ATRN: variants seen among roughly 807,000 people sequenced by gnomAD.
ATRN encodes attractin-2.
In ATRN, 54 loss-of-function variants were observed where a neutral mutation model predicts 178.7. That is an observed-to-expected ratio of 0.30 (90% CI 0.24 to 0.38). The LOEUF is 0.38. ATRN is among the 10% of genes least tolerant of loss of function. The pLI is 1.00. For synonymous variants in ATRN, 636 were observed against 663.0 expected (o/e 0.96, Z 0.63); for missense variants, 1,443 against 1,815.1 (o/e 0.79, Z 3.73).
intron 24 of ATRN, among the ~76,000 whole-genome samples, chr20:3,605,626 G>A (rs2086666674): frequency 6.6e-6 from 1 of 152,180 alleles, no homozygotes; most frequent in Non-Finnish European, 1.5e-5. Flanking sequence ...GGAGCTGGAG[G>A]CCATTATCCT....
At chr20:3,494,512 G>T (rs778497589) in intron 1 of ATRN, among the ~76,000 whole-genome samples, 1 of 152,168 alleles carries the variant, frequency 6.6e-6, no homozygotes, top group Non-Finnish European at 1.5e-5. Context: ...CTAGGAGGAG[G>T]AGAATTTGAA....
At chr20:3,535,588 T>TACACACACACACACACACAC (rs11468707) in intron 2 of ATRN, among the ~76,000 whole-genome samples, 2 of 143,110 alleles carry the variant, frequency 1.4e-5, no homozygotes, top group Non-Finnish European at 3.0e-5. Flanking sequence ...CAGAAACGGT[T>TACACACACACACACACACAC]ACACACACAC....
chr20:3,541,622 C>A (rs1324972497), intron 3 of ATRN, among the ~76,000 whole-genome samples: 1 of 152,052 alleles, frequency 6.6e-6, no homozygotes, highest in Admixed American at 6.5e-5. Flanking sequence ...ATTTGTATAT[C>A]TAAACATATC....
At chr20:3,618,828 T>TTGG (rs752080084) in intron 24 of ATRN, among the ~76,000 whole-genome samples, 25 of 116,888 alleles carry the variant, frequency 2.1e-4, no homozygotes, top group Middle Eastern at 9.3e-3. Context: ...TGTATGAACT[T>TTGG]TGGTGGTGGT....
At chr20:3,628,954 C>T in intron 25 of ATRN, 1 of 985,324 alleles carries the variant, frequency 1.0e-6, no homozygotes, top group Non-Finnish European at 1.2e-6. Flanking sequence ...CTCTGCCTTC[C>T]CCATCTGCAG....
intron 5 of ATRN, 87 bp from the exon 6 acceptor site, chr20:3,549,083 A>G: frequency 1.9e-6 from 2 of 1,074,346 alleles, no homozygotes; most frequent in South Asian, 1.6e-5. Flanking sequence ...TTATTTAAAT[A>G]TTTGTTACAT....
rs1315337253 is a variant in ATRN, at chr20:3,583,895, C to T, written c.2765-3C>T. ...AAGTGTCTCTCTTGGGTTTCATTCC[C>T]AGCAAACCACAGTGCTAAGCAGTGC... On this transcript the variant is annotated splice_polypyrimidine_tract_variant and splice_region_variant and intron_variant, in intron 16 of 28. Coordinates refer to ENST00000262919, the MANE Select transcript of ATRN (RefSeq NM_139321.3). 6 of 1,612,382 alleles carry T rather than the reference C, an allele frequency of 3.7e-6. No homozygotes were observed. The South Asian group carries it at 6.6e-5, about 18-fold the overall frequency.
Position 3,604,144 on chromosome 20 carries a change from A to T in ATRN, c.3683A>T (p.Lys1228Ile). 1.2e-6 allele frequency: 2 copies of T among 1,601,824 alleles called. No homozygotes were observed. Among genetic ancestry groups the T allele is most frequent in the Non-Finnish European group, 1.7e-6 (2 of 1,176,898 alleles). ...QAGEEMPVVS[K>I]TNIKEYKDSF... ...GGAGAAGAGATGCCTGTTGTTTCAAAAACCAACATTAAGGAGTACAAAGAT... is the reference window on the plus strand; with the variant it reads ...GGAGAAGAGATGCCTGTTGTTTCAATAACCAACATTAAGGAGTACAAAGAT... The change falls in exon 24 of 29, where the codon AAA becomes ATA. Residue 1228 changes from lysine (K) to isoleucine (I), a missense_variant. Physicochemically the swap from Lys to Ile is moderately radical, Grantham distance 102 (BLOSUM62 -3). This residue lies in a region of ATRN where 289 missense variants were observed against 440.8 expected (regional missense o/e 0.66). Coordinates refer to ENST00000262919, the MANE Select transcript of ATRN (RefSeq NM_139321.3).
At chr20:3,609,716 G>GTA (rs1189090878) in intron 24 of ATRN, among the ~76,000 whole-genome samples, 3 of 83,146 alleles carry the variant, frequency 3.6e-5, no homozygotes, top group South Asian at 4.2e-4. Context: ...ATGTATGTAT[G>GTA]TGTGTGTGTG....
intron 1 of ATRN, among the ~76,000 whole-genome samples, chr20:3,491,690 A>G (rs1017757599): frequency 3.3e-5 from 5 of 152,146 alleles, no homozygotes; most frequent in Non-Finnish European, 7.4e-5. Context: ...GTATGAGACC[A>G]CTCAGGCTAG....
intron 6 of ATRN, among the ~76,000 whole-genome samples, chr20:3,556,887 A>G (rs1039848871): frequency 6.6e-6 from 1 of 152,124 alleles, no homozygotes; most frequent in East Asian, 1.9e-4. Flanking sequence ...GCCAGCACCT[A>G]TGTGTCTCTG....
chr20:3,505,141 A>G (rs1009226943), intron 1 of ATRN, among the ~76,000 whole-genome samples: 1 of 152,196 alleles, frequency 6.6e-6, no homozygotes, highest in African/African-American at 2.4e-5. Context: ...CAGTGAACTG[A>G]GTAAAGATTA....
chr20:3,523,904 G>C (rs2085329056), intron 1 of ATRN, among the ~76,000 whole-genome samples: 1 of 152,134 alleles, frequency 6.6e-6, no homozygotes, highest in Non-Finnish European at 1.5e-5. Context: ...CCTTACAAGA[G>C]CTCCTGAAGG....
intron 1 of ATRN, 143 bp from the exon 2 acceptor site, chr20:3,535,110 G>A: frequency 4.0e-6 from 1 of 250,274 alleles, no homozygotes; most frequent in Non-Finnish European, 7.4e-6. Flanking sequence ...ACTGGTTATA[G>A]TGTTTGTTAA....
intron 23 of ATRN, among the ~76,000 whole-genome samples, chr20:3,602,862 C>T (rs1191205888): frequency 6.9e-6 from 1 of 145,556 alleles, no homozygotes; most frequent in South Asian, 2.2e-4. Flanking sequence ...ACTTGGGAGG[C>T]TGAGGCAGGA....
intron 1 of ATRN, among the ~76,000 whole-genome samples, chr20:3,498,513 C>A (rs1286492764): frequency 6.6e-6 from 1 of 151,794 alleles, no homozygotes; most frequent in South Asian, 2.1e-4. Context: ...CCCTGGGATG[C>A]AAGGCTGGTT....
intron 3 of ATRN, among the ~76,000 whole-genome samples, chr20:3,543,395 A>G (rs896795430): frequency 1.3e-5 from 2 of 152,166 alleles, no homozygotes; most frequent in African/African-American, 2.4e-5. Context: ...GGAGCACCAG[A>G]GTTTCAGAGT....
intron 1 of ATRN, among the ~76,000 whole-genome samples, chr20:3,485,236 TCTC>T (rs2084674084): frequency 6.6e-6 from 1 of 152,156 alleles, no homozygotes; most frequent in Non-Finnish European, 1.5e-5. Flanking sequence ...GTGTGTGGAT[TCTC>T]CTGTTCCCCA....
chr20:3,477,235 C>T (rs2084544407), intron 1 of ATRN, among the ~76,000 whole-genome samples: 1 of 89,994 alleles, frequency 1.1e-5, no homozygotes, highest in South Asian at 3.6e-4. Flanking sequence ...CTGTTTTCCC[C>T]AGTGCAATGT....
Sources: gnomAD v4.1 joint callset for allele counts (sites outside exome capture counted in the v4.1 genomes callset) on GRCh38, gnomAD v4.1.1 for gene constraint, gnomAD v4.1.1 regional missense constraint, MANE v1.5 for transcripts, NCBI Gene and HGNC (gene_info 2026-07-23, HGNC 2026-07-21) for gene names.